Variants in AP2B1 observed in about 807,000 individuals in gnomAD.
The protein encoded by AP2B1 is adaptor related protein complex 2 subunit beta 1.
A neutral mutation model predicts 102.0 loss-of-function variants in AP2B1; 23 were observed. That is an observed-to-expected ratio of 0.23 (90% confidence interval 0.16 to 0.32). AP2B1 has a LOEUF of 0.32. Ranked by LOEUF, AP2B1 falls within the 10% of genes least tolerant of loss-of-function variation. The pLI, the probability that AP2B1 is intolerant of heterozygous loss-of-function variation, is 1.00. For synonymous variants in AP2B1, 381 were observed against 421.2 expected (o/e 0.90, Z 1.17); for missense variants, 541 against 1,157.4 (o/e 0.47, Z 7.73).
intron 17 of AP2B1, among the ~76,000 whole-genome samples, chr17:35,678,959 G>GTTGT (rs71366473): frequency 7.3e-5 from 11 of 151,180 alleles, no homozygotes; most frequent in Admixed American, 3.3e-4. Flanking sequence ...AGCTAGCATT[G>GTTGT]TTGTTTGTTT....
At chr17:35,625,479 T>A (rs1225916114) in intron 6 of AP2B1, among the ~76,000 whole-genome samples, 2 of 152,174 alleles carry the variant, frequency 1.3e-5, no homozygotes, top group African/African-American at 4.8e-5. Flanking sequence ...TTTCTTCTGT[T>A]GGCCATTGAC....
chr17:35,627,777 T>C (rs2074358124), intron 9 of AP2B1, 51 bp downstream of exon 9: 1 of 1,431,162 alleles, frequency 7.0e-7, no homozygotes. Flanking sequence ...CTGAGAGTTC[T>C]CTTCACTTTT....
intron 15 of AP2B1, 59 bp downstream of exon 15, chr17:35,670,957 C>A: frequency 1.3e-6 from 2 of 1,558,232 alleles, no homozygotes; most frequent in East Asian, 2.2e-5. Context: ...GATGCCTTTC[C>A]TATGTACACA....
chr17:35,672,008 C>T (rs547609286), intron 16 of AP2B1, 108 bp downstream of exon 16: 5 of 1,321,790 alleles, frequency 3.8e-6, no homozygotes, highest in Non-Finnish European at 5.2e-6. Flanking sequence ...AGGTTTGGGC[C>T]CTTGTTCTGG....
At chr17:35,598,887 A>G (rs225293) in intron 3 of AP2B1, among the ~76,000 whole-genome samples, 75,647 of 152,056 alleles carry the variant, frequency 0.5, 18,878 homozygotes, top group East Asian at 0.52. Context: ...CGTGAGGTCA[A>G]AGCTGTTTTC....
At chr17:35,602,445 A>G (rs1267379224) in intron 3 of AP2B1, among the ~76,000 whole-genome samples, 1 of 152,228 alleles carries the variant, frequency 6.6e-6, no homozygotes, top group Admixed American at 6.5e-5. Context: ...CCTTTCCTGC[A>G]AGTAACCTCA....
At chr17:35,661,191 A>C (rs1412091207) in intron 14 of AP2B1, among the ~76,000 whole-genome samples, 1 of 152,150 alleles carries the variant, frequency 6.6e-6, no homozygotes, top group South Asian at 2.1e-4. Context: ...TTGGTCCCAC[A>C]TAATTACCAG....
chr17:35,610,855 C>T (rs11870399), intron 5 of AP2B1, among the ~76,000 whole-genome samples: 8,434 of 149,600 alleles, frequency 0.056, 382 homozygotes, highest in East Asian at 0.14. Context: ...TGCAGTGAGC[C>T]GAGGTCGTGC....
chr17:35,719,891 A>C (rs2085305569), intron 21 of AP2B1, among the ~76,000 whole-genome samples: 1 of 152,136 alleles, frequency 6.6e-6, no homozygotes. Context: ...ACCTGAGATG[A>C]TCTCTGCTCA....
At chr17:35,614,938 C>G (rs942060057) in intron 5 of AP2B1, among the ~76,000 whole-genome samples, 10 of 152,154 alleles carry the variant, frequency 6.6e-5, no homozygotes, top group African/African-American at 2.4e-4. Flanking sequence ...TGATTCTACT[C>G]TCCAGAGGAC....
At chr17:35,638,040 G>A (rs1027338546) in intron 10 of AP2B1, among the ~76,000 whole-genome samples, 1 of 150,326 alleles carries the variant, frequency 6.7e-6, no homozygotes, top group Admixed American at 6.6e-5. Flanking sequence ...GGATCTCACT[G>A]TGTTGCCCAG....
At chr17:35,661,356 A>G (rs2075354498) in intron 14 of AP2B1, among the ~76,000 whole-genome samples, 1 of 152,224 alleles carries the variant, frequency 6.6e-6, no homozygotes, top group African/African-American at 2.4e-5. Context: ...TCTTGCAGCC[A>G]GTGTTGAGAA....
At chr17:35,631,949 G>C (rs1182362700) in intron 9 of AP2B1, among the ~76,000 whole-genome samples, 2 of 152,048 alleles carry the variant, frequency 1.3e-5, no homozygotes, top group African/African-American at 2.4e-5. Flanking sequence ...TATTTTCCTA[G>C]TTTGTTGTCC....
At chr17:35,703,082 C>T (rs1256809692) in intron 18 of AP2B1, among the ~76,000 whole-genome samples, 1 of 151,796 alleles carries the variant, frequency 6.6e-6, no homozygotes, top group Non-Finnish European at 1.5e-5. Context: ...ACCATCCTGG[C>T]CAACACGGTG....
chr17:35,664,199 C>A (rs2075414248), intron 14 of AP2B1, among the ~76,000 whole-genome samples: 1 of 152,138 alleles, frequency 6.6e-6, no homozygotes, highest in Non-Finnish European at 1.5e-5. Flanking sequence ...CTATCAAAAC[C>A]ACTCAAACAA....
At chr17:35,643,945 A>T (rs560190340) in intron 12 of AP2B1, among the ~76,000 whole-genome samples, 1 of 152,292 alleles carries the variant, frequency 6.6e-6, no homozygotes, top group Non-Finnish European at 1.5e-5. Flanking sequence ...TTAGAATCAC[A>T]TTTAACAATC....
At chr17:35,718,383 A>G (rs1555591221) in intron 21 of AP2B1, among the ~76,000 whole-genome samples, 3 of 150,886 alleles carry the variant, frequency 2.0e-5, no homozygotes, top group Non-Finnish European at 4.4e-5. Flanking sequence ...CTATCAAGTT[A>G]GACTTTTGCC....
intron 12 of AP2B1, among the ~76,000 whole-genome samples, chr17:35,648,743 A>AGTGTGTGTGTGT (rs10668040): frequency 0.029 from 4,307 of 148,640 alleles, 84 homozygotes; most frequent in African/African-American, 0.046. Flanking sequence ...ATATGAAATA[A>AGTGTGTGTGTGT]GTGTGTGTGT....
chr17:35,698,295 G>A (rs1177599090), intron 18 of AP2B1, among the ~76,000 whole-genome samples: 1 of 151,862 alleles, frequency 6.6e-6, no homozygotes, highest in East Asian at 1.9e-4. Context: ...GGAACTTTGA[G>A]GGTGTTTTTT....
Sources: gnomAD v4.1 joint callset for allele counts (sites outside exome capture counted in the v4.1 genomes callset) on GRCh38, gnomAD v4.1.1 for gene constraint, MANE v1.5 for transcripts, NCBI Gene and HGNC (gene_info 2026-07-23, HGNC 2026-07-21) for gene names.